The following RGL3 variants were observed in gnomAD, a reference collection of about 807,000 sequenced individuals.
RGL3 encodes the protein ral guanine nucleotide dissociation stimulator-like 3.
Under a neutral mutation model 90.6 loss-of-function variants are expected in RGL3, and 85 were observed. That is an observed-to-expected ratio of 0.94 (90% CI 0.79 to 1.12). The LOEUF (loss-of-function observed/expected upper bound fraction) is 1.12, where lower values mean the gene tolerates loss of function less well. Ranked by LOEUF, RGL3 falls within the 50% of genes most tolerant of loss-of-function variation. The probability of loss-of-function intolerance (pLI) is 0.00; values close to 1 mark genes in which losing one functional copy is unlikely to be tolerated. For synonymous variants in RGL3, 408 were observed against 385.5 expected (o/e 1.06, Z -0.68); for missense variants, 1,034 against 939.2 (o/e 1.10, Z -1.32).
chr19:11,405,485 C>G (rs1968760265), intron 7 of RGL3, 59 bp from the exon 8 acceptor site: 1 of 244,026 alleles, frequency 4.1e-6, no homozygotes, highest in African/African-American at 2.7e-5. Flanking sequence ...CATCCTGAAA[C>G]TTCTTCATCT....
intron 5 of RGL3, among the ~76,000 whole-genome samples, chr19:11,412,697 T>TG (rs1364639622): frequency 1.3e-5 from 2 of 151,978 alleles, no homozygotes; most frequent in African/African-American, 4.8e-5. Flanking sequence ...TCGGGTGCGG[T>TG]GGCTCACGCC....
Position 11,403,605 on chromosome 19 carries a change from A to G in RGL3, c.1186-899T>C, listed in dbSNP as rs151135286. On this transcript the variant is annotated intron_variant, in intron 9 of 18. Coordinates refer to ENST00000380456, the MANE Select transcript of RGL3 (RefSeq NM_001035223.4). ...GAGTGAGCCAAGATCGCACCATTGC[A>G]CTCCAGCTTGGGCAACAAGACCAAA... is the stretch of plus-strand genomic sequence containing the variant. 8.7e-3 allele frequency among the ~76,000 whole-genome samples: 1,241 copies of G among 143,186 alleles called. 13 individuals carry two copies. Among genetic ancestry groups the G allele is most frequent in the African/African-American group, 0.03 (1,155 of 38,142 alleles). The allele number at this position is 143,186 out of a possible 152,430, so 93.9% of individuals were successfully genotyped here.
chr19:11,397,351 CT>C lies in RGL3; in HGVS notation c.1906del (p.Ser636ValfsTer39). 6.2e-7 allele frequency: 1 copy of C among 1,601,118 alleles called. No homozygotes were observed. The highest frequency in any genetic ancestry group is 8.5e-7 in the Non-Finnish European group (1 of 1,173,076). On this transcript the variant is annotated frameshift_variant, in exon 18 of 19. Transcript: ENST00000380456. LOFTEE classifies it high-confidence loss of function. ...GACCACGCTGGGGGCTTTGTCCTGACTGGTCAGCTGGAAGAGAGGGGCGGGA... is the reference window on the plus strand; with the variant it reads ...GACCACGCTGGGGGCTTTGTCCTGACGGTCAGCTGGAAGAGAGGGGCGGGA... ...GNLYRSILLTSQDKAPSVVRR... is the reference protein window; with the variant it reads ...GNLYRSILLTXQDKAPSVVRR...
intron 18 of RGL3, among the ~76,000 whole-genome samples, chr19:11,396,158 A>ATATTT (rs1568334140): frequency 3.9e-5 from 1 of 25,632 alleles, no homozygotes; most frequent in Non-Finnish European, 6.7e-5. Flanking sequence ...ATATATATAT[A>ATATTT]TTTTTTTTTT....
In RGL3 at chr19:11,416,601, A is replaced by G; in HGVS notation, c.425+13T>C. 6.2e-7 allele frequency: 1 copy of G among 1,613,470 alleles called. No individual in the cohort carries two copies. Among genetic ancestry groups the G allele is most frequent in the Non-Finnish European group, 8.5e-7 (1 of 1,179,462 alleles). ...TCCCTCCCCGCACTCCCCTATCTGG[A>G]TGAAGGACCCACCTCAGGTTCTTGT... On this transcript the variant is annotated intron_variant, in intron 4 of 18. Coordinates refer to ENST00000380456, the MANE Select transcript of RGL3 (RefSeq NM_001035223.4).
intron 5 of RGL3, among the ~76,000 whole-genome samples, chr19:11,410,780 C>G (rs1468446173): frequency 6.6e-6 from 1 of 152,050 alleles, no homozygotes; most frequent in Non-Finnish European, 1.5e-5. Flanking sequence ...GATAGAGAAA[C>G]ATGCTGCATG....
rs763162693 is a variant in RGL3 at position 11,416,018 on chromosome 19, G to A, written c.556C>T (p.Gln186Ter). The A allele has an allele frequency of 5.0e-6, 8 of 1,613,770 alleles. No homozygotes were observed. Among genetic ancestry groups the A allele is most frequent in the Non-Finnish European group, 6.8e-6 (8 of 1,179,974 alleles). ...GWAAPGSAEA[Q>*]KAEKLLEDFL... ...TCTTCCAGAAGCTTCTCTGCTTTTTGAGCCTCAGCACTCCCTGGGGCCGCC... is the reference window on the plus strand; with the variant it reads ...TCTTCCAGAAGCTTCTCTGCTTTTTAAGCCTCAGCACTCCCTGGGGCCGCC... Residue 186 changes from glutamine (Q) to a stop codon, truncating the protein, a stop_gained, in exon 5 of 19, where the codon CAA becomes TAA. Coordinates refer to ENST00000380456, the MANE Select transcript of RGL3 (RefSeq NM_001035223.4). LOFTEE classifies it high-confidence loss of function.
chr19:11,397,182 G>T, intron 18 of RGL3, 62 bp downstream of exon 18: 1 of 1,403,082 alleles, frequency 7.1e-7, no homozygotes, highest in Non-Finnish European at 1.0e-6. Context: ...ATCCTTGGGC[G>T]TGGTCAGTCT....
intron 2 of RGL3, 99 bp from the exon 3 acceptor site, chr19:11,417,158 G>GTT (rs760491298): frequency 1.5e-3 from 926 of 613,842 alleles, no homozygotes; most frequent in South Asian, 2.3e-3. Context: ...TTTTTTTTTT[G>GTT]TTTTTTTTTT....
intron 18 of RGL3, among the ~76,000 whole-genome samples, chr19:11,395,204 C>G (rs1038447838): frequency 6.6e-6 from 1 of 152,080 alleles, no homozygotes; most frequent in Non-Finnish European, 1.5e-5. Flanking sequence ...CACCCTACCC[C>G]TCCCCCACAA....
intron 2 of RGL3, among the ~76,000 whole-genome samples, chr19:11,417,672 G>A (rs316501): frequency 0.12 from 18,196 of 151,330 alleles, 1,507 homozygotes; most frequent in East Asian, 0.31. Flanking sequence ...GTGTTTCACC[G>A]TCTTGGCCAG....
intron 5 of RGL3, among the ~76,000 whole-genome samples, chr19:11,413,846 CCA>C (rs1487431622): frequency 6.7e-6 from 1 of 148,700 alleles, no homozygotes; most frequent in Admixed American, 6.7e-5. Context: ...CAGGTTCGCG[CCA>C]TTCTCCTGCC....
intron 5 of RGL3, among the ~76,000 whole-genome samples, chr19:11,409,206 G>T (rs1195277627): frequency 1.3e-5 from 2 of 148,736 alleles, no homozygotes; most frequent in Non-Finnish European, 3.0e-5. Flanking sequence ...GAAGGCCGGG[G>T]GCAGTGGCTC....
intron 1 of RGL3, 36 bp from the exon 2 acceptor site, chr19:11,418,820 C>T (rs1969053572): frequency 6.6e-7 from 1 of 1,506,460 alleles, no homozygotes; most frequent in Non-Finnish European, 8.9e-7. Flanking sequence ...ACCAAAGGGG[C>T]ACAGGTCCTG....
chr19:11,399,890 G>T lies in RGL3; in HGVS notation c.1711C>A (p.Pro571Thr). 6.6e-7 allele frequency: 1 copy of T among 1,519,042 alleles called. No homozygotes were observed. Among genetic ancestry groups the T allele is most frequent in the African/African-American group, 1.4e-5 (1 of 70,970 alleles). 94.1% of individuals were successfully genotyped at this position (1,519,042 alleles called of 1,614,324 possible). ...RSRDAPAGSP[P>T]ASPGPQGPST... ...GGGCCCTGGGGCCCTGGAGAGGCCGGGGGACTGCCAGCAGGAGCATCTCTG... is the reference window on the plus strand; with the variant it reads ...GGGCCCTGGGGCCCTGGAGAGGCCGTGGGACTGCCAGCAGGAGCATCTCTG... The change falls in exon 16 of 19, where the codon CCG becomes ACG. Residue 571 changes from proline to threonine, a missense_variant. By Grantham distance (38) the Pro-to-Thr change is conservative. Transcript: ENST00000380456.
intron 5 of RGL3, among the ~76,000 whole-genome samples, chr19:11,413,068 C>T (rs1968899570): frequency 1.3e-5 from 2 of 151,972 alleles, no homozygotes; most frequent in Non-Finnish European, 2.9e-5. Flanking sequence ...TAATTTTCTC[C>T]TCTGACCTCA....
intron 18 of RGL3, among the ~76,000 whole-genome samples, chr19:11,395,029 G>C (rs1968540172): frequency 6.6e-6 from 1 of 151,048 alleles, no homozygotes; most frequent in Admixed American, 6.6e-5. Flanking sequence ...GGAGGTGGAT[G>C]TTGCGGTGAG....
rs66711304 is a variant in RGL3, at chr19:11,396,100, A to ATCTCTCTC, written c.2014+1136_2014+1143dup. On this transcript the variant is annotated intron_variant, in intron 18 of 18. Coordinates refer to ENST00000380456, the MANE Select transcript of RGL3 (RefSeq NM_001035223.4). Reference sequence around the variant, plus strand: ...AGGCACATGCCACCATGCTCAGCTAATCTCTCTCTCTCTCTCTCTCTCTCT... The same window carrying ATCTCTCTC: ...AGGCACATGCCACCATGCTCAGCTAATCTCTCTCTCTCTCTCTCTCTCTCTCTCTCTCT... Among the ~76,000 whole-genome samples the ATCTCTCTC allele has an allele frequency of 7.1e-4, 24 of 33,930 alleles. 1 individual carries two copies. The highest frequency in any genetic ancestry group is 2.6e-3 in the African/African-American group (24 of 9,278). 22.3% of individuals were successfully genotyped at this position (33,930 alleles called of 152,430 possible).
intron 5 of RGL3, among the ~76,000 whole-genome samples, chr19:11,409,216 C>T (rs1211031003): frequency 2.6e-5 from 4 of 151,198 alleles, no homozygotes; most frequent in Non-Finnish European, 4.4e-5. Context: ...GGCAGTGGCT[C>T]ACGCCTGTAA....
Sources: allele counts gnomAD v4.1 joint callset (sites outside exome capture counted in the v4.1 genomes callset), GRCh38; gene constraint gnomAD v4.1.1; transcripts MANE v1.5; gene names NCBI Gene and HGNC (gene_info 2026-07-23, HGNC 2026-07-21).